Variants in TRIM66 observed in about 807,000 individuals in gnomAD.
TRIM66 encodes the protein tripartite motif-containing protein 66.
A neutral mutation model predicts 148.2 loss-of-function variants in TRIM66; 99 were observed. That is an observed-to-expected ratio of 0.67 (90% CI 0.57 to 0.79). The LOEUF is 0.79. Ranked by LOEUF, TRIM66 falls within the 30% of genes least tolerant of loss-of-function variation. TRIM66 has a pLI of 0.00. For missense variants in TRIM66, 1,666 were observed against 1,697.9 expected (o/e 0.98, Z 0.33); for synonymous variants, 616 against 635.9 (o/e 0.97, Z 0.47).
intron 20 of TRIM66, among the ~76,000 whole-genome samples, chr11:8,620,801 G>A (rs966558323): frequency 6.6e-6 from 1 of 152,244 alleles, no homozygotes; most frequent in Non-Finnish European, 1.5e-5. Context: ...AAATCCACAT[G>A]CAAGAAGAAG....
At chr11:8,621,454 C>G in intron 19 of TRIM66, 133 bp from the exon 20 acceptor site, 2 of 1,341,338 alleles carry the variant, frequency 1.5e-6, no homozygotes, top group Non-Finnish European at 2.0e-6. Context: ...CCAGCAAGCC[C>G]CATGAATGCT....
rs1165658833 is a variant in TRIM66 at position 8,617,925 on chromosome 11, C to A, written c.*19G>T. The A allele has an allele frequency of 6.4e-7, 1 of 1,551,442 alleles. No homozygotes were observed. Among genetic ancestry groups the A allele is most frequent in the Admixed American group, 2.0e-5 (1 of 50,994 alleles). On this transcript the variant is annotated 3_prime_UTR_variant, in exon 25 of 25. Coordinates refer to ENST00000646038, the MANE Select transcript of TRIM66 (RefSeq NM_001388022.1). ...GTATGGGACAACAGCTGCCAGAGTG[C>A]CCAGTCTCCTTTTGGCTCTCACACC... is the stretch of plus-strand genomic sequence containing the variant.
At position 8,616,538 on chromosome 11, in the gene TRIM66, G is replaced by A. The variant is rs1348552003; in HGVS notation, c.*1406C>T. On this transcript the variant is annotated 3_prime_UTR_variant, in exon 25 of 25. Transcript: ENST00000646038. ...TCCTTCTCAACCAAGCCCTTGCTTG[G>A]GAGGTAGCCTGACCTCCAGTATCCT... is the stretch of plus-strand genomic sequence containing the variant. The A allele has an allele frequency of 6.6e-6, 1 of 152,154 alleles. No homozygotes were observed. The highest frequency in any genetic ancestry group is 1.9e-4 in the East Asian group (1 of 5,184). The allele number at this position is 152,154 out of a possible 1,614,324, so 9.4% of individuals were successfully genotyped here.
At chr11:8,618,110 C>A in intron 24 of TRIM66, 107 bp from the exon 25 acceptor site, 1 of 1,101,266 alleles carries the variant, frequency 9.1e-7, no homozygotes, top group East Asian at 2.6e-5. Flanking sequence ...GTATTTTATT[C>A]TACCCTAGGA....
At position 8,645,851 on chromosome 11, in the gene TRIM66, G is replaced by A. The variant is rs948733918; in HGVS notation, c.994C>T (p.Gln332Ter). The change falls in exon 12 of 25, where the codon CAG becomes TAG. Residue 332 changes from glutamine (Q) to a stop codon, truncating the protein, a stop_gained. Transcript: ENST00000646038. LOFTEE classifies it high-confidence loss of function. ...TTGAGAACCATGATGCTCTGTAACT[G>A]CTGTTCCAGCTTCCGCTTTCTCTCA... ...TNERKRKLEQ[Q>*]LQSIMVLNRQ... The A allele has an allele frequency of 6.4e-7, 1 of 1,551,726 alleles. No homozygotes were observed. Among genetic ancestry groups the A allele is most frequent in the Middle Eastern group, 1.7e-4 (1 of 5,992 alleles).
chr11:8,645,669 T>C (rs1046195605), intron 12 of TRIM66, 72 bp downstream of exon 12: 2 of 1,524,998 alleles, frequency 1.3e-6, no homozygotes, highest in Non-Finnish European at 1.8e-6. Context: ...GACTGCCTCA[T>C]TGCCCCTCTG....
rs1314143289 is a variant in TRIM66, at chr11:8,618,815, G to A, written c.4054C>T (p.Gln1352Ter). The change falls in exon 24 of 25, where the codon CAG becomes TAG. Residue 1352 changes from glutamine to a stop codon, truncating the protein, a stop_gained. Transcript: ENST00000646038. LOFTEE classifies it high-confidence loss of function. ...VSSESGCSTP[Q>*]GFPWPPYMQE... The stretch of plus-strand genomic sequence containing the variant: ...ATGTAGGGAGGCCACGGGAAGCCCT[G>A]GGGAGTGGAACATCCACTCTCACTA... 1 of 1,551,416 alleles carries A rather than the reference G, an allele frequency of 6.4e-7. No homozygotes were observed. The highest frequency in any genetic ancestry group is 8.7e-7 in the Non-Finnish European group (1 of 1,146,964).
Position 8,671,784 on chromosome 11 carries a change from A to G in TRIM66, c.340+2T>C. The G allele has an allele frequency of 7.8e-7, 1 of 1,276,256 alleles. No homozygotes were observed. The highest frequency in any genetic ancestry group is 1.1e-6 in the Non-Finnish European group (1 of 909,604). The allele number at this position is 1,276,256 out of a possible 1,614,324, so 79.1% of individuals were successfully genotyped here. ...GTGAACTTGTGGTGCCTTTGTACTT[A>G]CCATCTGCAACAGTCTCATGAGCCT... On this transcript the variant is annotated splice_donor_variant, in intron 6 of 24. Coordinates refer to ENST00000646038, the MANE Select transcript of TRIM66 (RefSeq NM_001388022.1). LOFTEE classifies it high-confidence loss of function.
chr11:8,649,575 T>C (rs899407673), intron 8 of TRIM66, among the ~76,000 whole-genome samples, 165 bp downstream of exon 8: 3 of 152,040 alleles, frequency 2.0e-5, no homozygotes, highest in African/African-American at 7.2e-5. Context: ...CGAGAGTGAG[T>C]CACCCCTTTG....
rs557508364 is a variant in TRIM66 at position 8,620,143 on chromosome 11, C to A, written c.3673-19G>T. On this transcript the variant is annotated intron_variant, in intron 21 of 24. Coordinates refer to ENST00000646038, the MANE Select transcript of TRIM66 (RefSeq NM_001388022.1). ...CACACTTCTGCAAAATCAGAATTGG[C>A]AACAGAGTCACTTTGTTCTGGTCTC... is the stretch of plus-strand genomic sequence containing the variant. 1 of 1,550,364 alleles carries A rather than the reference C, an allele frequency of 6.5e-7. No homozygotes were observed. Among genetic ancestry groups the A allele is most frequent in the East Asian group, 2.4e-5 (1 of 40,912 alleles).
intron 15 of TRIM66, among the ~76,000 whole-genome samples, chr11:8,631,109 CA>C (rs2035354268): frequency 6.6e-6 from 1 of 152,166 alleles, no homozygotes; most frequent in Non-Finnish European, 1.5e-5. Context: ...AATTGAGACA[CA>C]GAGTGATTAC....
At chr11:8,671,302 TC>T (rs2038916106) in intron 6 of TRIM66, among the ~76,000 whole-genome samples, 1 of 152,220 alleles carries the variant, frequency 6.6e-6, no homozygotes, top group Non-Finnish European at 1.5e-5. Context: ...ACTGCACAGT[TC>T]CCAGTGAGAC....
intron 6 of TRIM66, among the ~76,000 whole-genome samples, chr11:8,664,762 C>T (rs1001915300): frequency 6.6e-6 from 1 of 152,074 alleles, no homozygotes; most frequent in Non-Finnish European, 1.5e-5. Flanking sequence ...TGTTGGGCTG[C>T]GGGGTTACAA....
intron 6 of TRIM66, among the ~76,000 whole-genome samples, chr11:8,663,814 T>C (rs2038415502): frequency 6.6e-6 from 1 of 152,024 alleles, no homozygotes; most frequent in African/African-American, 2.4e-5. Context: ...AAGGAAAACC[T>C]GTCATTTGTG....
Position 8,622,365 on chromosome 11 carries a change from C to CACACACACACATATATATATATAT in TRIM66, c.3080+450_3080+451insATATATATATATATGTGTGTGTGT. ...ACACACACACACACACACACACACA[C>CACACACACACATATATATATATAT]ATATATATATATATATATCTCCTAC... On this transcript the variant is annotated intron_variant, in intron 18 of 24. Transcript: ENST00000646038. Among the ~76,000 whole-genome samples, 24 of 59,604 alleles carry CACACACACACATATATATATATAT rather than the reference C, an allele frequency of 4.0e-4. 2 individuals are homozygous for CACACACACACATATATATATATAT. Among genetic ancestry groups the CACACACACACATATATATATATAT allele is most frequent in the East Asian group, 1.4e-3 (4 of 2,834 alleles). 39.1% of individuals were successfully genotyped at this position (59,604 alleles called of 152,430 possible).
In TRIM66 at chr11:8,621,680, C is replaced by T. The variant is rs532892196; in HGVS notation, c.3220G>A (p.Glu1074Lys). The T allele has an allele frequency of 1.1e-5, 17 of 1,548,192 alleles. No individual in the cohort carries two copies. Among genetic ancestry groups the T allele is most frequent in the Admixed American group, 9.9e-5 (5 of 50,414 alleles). Residue 1074 changes from glutamate to lysine, a missense_variant, in exon 19 of 25, where the codon GAG (glutamate) becomes AAG (lysine). By Grantham distance (56) the Glu-to-Lys change is moderately conservative. Coordinates refer to ENST00000646038, the MANE Select transcript of TRIM66 (RefSeq NM_001388022.1). ...ATGCTGGAGGACTCAGTGCCACACT[C>T]GATGATCAGCAGGAAGCTCCCATCC... The part of the protein sequence containing the change: ...DQDGSFLLII[E>K]CGTESSSMSI...
In TRIM66 at chr11:8,671,910, A is replaced by G; in HGVS notation, c.216T>C (p.His72=). 6.5e-7 allele frequency: 1 copy of G among 1,536,148 alleles called. No individual in the cohort carries two copies. Among genetic ancestry groups the G allele is most frequent in the South Asian group, 1.2e-5 (1 of 84,064 alleles). ...EAMVMTCSLC[H]QDLPGMGSHL... ...GAGAGCCCATACCTGGCAGGTCCTG[A>G]TGGCACAATGAGCAGGTCATTACCA... Residue 72 remains histidine, a synonymous_variant, in exon 6 of 25, where the codon CAT becomes CAC. Coordinates refer to ENST00000646038, the MANE Select transcript of TRIM66 (RefSeq NM_001388022.1).
At chr11:8,622,361 C>CATATAT (rs1159167797) in intron 18 of TRIM66, among the ~76,000 whole-genome samples, 5 of 54,650 alleles carry the variant, frequency 9.1e-5, no homozygotes, top group African/African-American at 3.0e-4. Flanking sequence ...CACACACACA[C>CATATAT]ACACATATAT....
intron 1 of TRIM66, among the ~76,000 whole-genome samples, chr11:8,681,181 T>G (rs1441312692): frequency 6.6e-6 from 1 of 151,468 alleles, no homozygotes; most frequent in Non-Finnish European, 1.5e-5. Flanking sequence ...TCGCCCAGGC[T>G]GCAGTGCAGT....
Sources: allele counts gnomAD v4.1 joint callset (sites outside exome capture counted in the v4.1 genomes callset), GRCh38; gene constraint gnomAD v4.1.1; transcripts MANE v1.5; gene names NCBI Gene and HGNC (gene_info 2026-07-23, HGNC 2026-07-21).